OSBP2: variants seen among roughly 807,000 people sequenced by gnomAD.
OSBP2 encodes the protein oxysterol binding protein 2.
In OSBP2, 66 loss-of-function variants were observed where a neutral mutation model predicts 96.0. That is an observed-to-expected ratio of 0.69 (90% CI 0.56 to 0.84). The LOEUF (loss-of-function observed/expected upper bound fraction) is 0.84. Among genes scored for constraint, OSBP2 ranks in the 40% least tolerant of loss-of-function variants. The pLI is 0.00. For synonymous variants in OSBP2, 525 were observed against 520.9 expected (o/e 1.01, Z -0.11); for missense variants, 1,038 against 1,222.7 (o/e 0.85, Z 2.25).
intron 12 of OSBP2, chr22:30,894,329 C>G (rs2040018265): frequency 3.9e-6 from 1 of 256,580 alleles, no homozygotes; most frequent in Admixed American, 4.9e-5. Flanking sequence ...CCAAAGAGAA[C>G]AAATAGAAAT....
At chr22:30,746,967 C>G (rs568562319) in intron 2 of OSBP2, among the ~76,000 whole-genome samples, 1 of 152,168 alleles carries the variant, frequency 6.6e-6, no homozygotes, top group Non-Finnish European at 1.5e-5. Flanking sequence ...GGACTATACA[C>G]CATGACCAAG....
chr22:30,769,064 G>A (rs1213397194), intron 2 of OSBP2, among the ~76,000 whole-genome samples: 1 of 152,224 alleles, frequency 6.6e-6, no homozygotes, highest in Non-Finnish European at 1.5e-5. Flanking sequence ...ACTGGAGATG[G>A]TCATGGAAAG....
Position 30,780,561 on chromosome 22 carries a change from G to A in OSBP2, c.853+39192G>A, listed in dbSNP as rs537471289. On this transcript the variant is annotated intron_variant, in intron 2 of 13. Coordinates refer to ENST00000332585, the MANE Select transcript of OSBP2 (RefSeq NM_030758.4). ...TGCTGAGGCTGGAGTACAGTGGATCGATCTCAGCCCACTGCAACCTCCACC... is the reference window on the plus strand; with the variant it reads ...TGCTGAGGCTGGAGTACAGTGGATCAATCTCAGCCCACTGCAACCTCCACC... Among the ~76,000 whole-genome samples, 31 of 152,270 alleles carry A rather than the reference G, an allele frequency of 2.0e-4. No homozygotes were observed. The East Asian group carries it at 3.3e-3, about 16-fold the overall frequency.
intron 12 of OSBP2, among the ~76,000 whole-genome samples, chr22:30,901,923 T>A (rs897980568): frequency 6.6e-6 from 1 of 151,894 alleles, no homozygotes; most frequent in African/African-American, 2.4e-5. Flanking sequence ...TGTAAAAATA[T>A]ACTCGAGAAA....
At chr22:30,757,739 T>G (rs1282938549) in intron 2 of OSBP2, among the ~76,000 whole-genome samples, 1 of 152,114 alleles carries the variant, frequency 6.6e-6, no homozygotes, top group Non-Finnish European at 1.5e-5. Context: ...TTGTCACTCC[T>G]GTAGCCTCAA....
intron 1 of OSBP2, among the ~76,000 whole-genome samples, chr22:30,728,808 G>A (rs2089696798): frequency 6.6e-6 from 1 of 152,134 alleles, no homozygotes; most frequent in Admixed American, 6.6e-5. Flanking sequence ...GTTCTTATAT[G>A]TAACTAACTC....
rs944264387 is a variant in OSBP2 at position 30,695,690 on chromosome 22, TCA to T, written c.644+139_644+140del. On this transcript the variant is annotated intron_variant, in intron 1 of 13. Coordinates refer to ENST00000332585, the MANE Select transcript of OSBP2 (RefSeq NM_030758.4). ...GGGGCATGCATTCCAGCAGGCCAAGTCACGCTTCTGGCCCGCCGCCAAGGGCC... is the reference window on the plus strand; with the variant it reads ...GGGGCATGCATTCCAGCAGGCCAAGTCGCTTCTGGCCCGCCGCCAAGGGCC... 3.2e-5 allele frequency: 47 copies of T among 1,459,040 alleles called. 5 individuals are homozygous for T. In the Admixed American group the frequency reaches 5.5e-4, roughly 17 times the overall value. The allele number at this position is 1,459,040 out of a possible 1,614,324, so 90.4% of individuals were successfully genotyped here. A position where few individuals can be genotyped will look rare whatever the true frequency, so the allele number is the denominator to read the frequency against.
intron 2 of OSBP2, among the ~76,000 whole-genome samples, chr22:30,833,792 G>A (rs375697191): frequency 5.1e-4 from 77 of 152,114 alleles, no homozygotes; most frequent in African/African-American, 1.7e-3. Context: ...ATCATCATAT[G>A]CCAGTTTTGT....
At chr22:30,842,695 A>G in intron 2 of OSBP2, 1 of 157,854 alleles carries the variant, frequency 6.3e-6, no homozygotes, top group Non-Finnish European at 1.4e-5. Context: ...ATCTCAAGAA[A>G]CCACTCTGCT....
At chr22:30,822,664 G>A (rs1471081266) in intron 2 of OSBP2, 19 of 1,533,754 alleles carry the variant, frequency 1.2e-5, no homozygotes, top group African/African-American at 9.6e-5. Context: ...CACGGCCTCC[G>A]TGCGCTCCTT....
At chr22:30,751,090 T>C (rs1419839240) in intron 2 of OSBP2, among the ~76,000 whole-genome samples, 1 of 152,166 alleles carries the variant, frequency 6.6e-6, no homozygotes, top group African/African-American at 2.4e-5. Context: ...AATTTAAATC[T>C]ACCTGTAACC....
chr22:30,888,833 TG>T (rs1442183516), intron 5 of OSBP2, among the ~76,000 whole-genome samples: 1 of 152,218 alleles, frequency 6.6e-6, no homozygotes, highest in Non-Finnish European at 1.5e-5. Flanking sequence ...GCCACACACC[TG>T]GGCTATATGG....
At position 30,905,702 on chromosome 22, in the gene OSBP2, G is replaced by C. The variant is rs1602455143; in HGVS notation, c.2376-135G>C. 5 of 1,356,544 alleles carry C rather than the reference G, an allele frequency of 3.7e-6. No homozygotes were observed. The East Asian group carries it at 1.0e-4, about 27-fold the overall frequency. The allele number at this position is 1,356,544 out of a possible 1,614,324, so 84.0% of individuals were successfully genotyped here. On this transcript the variant is annotated intron_variant, in intron 12 of 13. Transcript: ENST00000332585. ...GCTCACTGGGGTGGGCCCAAGGCCA[G>C]AGGGAGTCCTGGACGCGGGGAGCTG...
chr22:30,904,833 G>A (rs2147199148), intron 12 of OSBP2, among the ~76,000 whole-genome samples: 1 of 152,238 alleles, frequency 6.6e-6, no homozygotes, highest in South Asian at 2.1e-4. Context: ...AGAAAAAAAT[G>A]ACTAGAAAAA....
At chr22:30,787,853 G>T (rs1450763264) in intron 2 of OSBP2, among the ~76,000 whole-genome samples, 1 of 152,148 alleles carries the variant, frequency 6.6e-6, no homozygotes, top group Non-Finnish European at 1.5e-5. Context: ...CCTTGGAGGG[G>T]TGTTAGCTGG....
At chr22:30,809,069 G>T (rs1400338130) in intron 2 of OSBP2, among the ~76,000 whole-genome samples, 2 of 152,190 alleles carry the variant, frequency 1.3e-5, no homozygotes, top group Admixed American at 1.3e-4. Flanking sequence ...ATGCTGCCAC[G>T]GCCAAGGAAC....
intron 2 of OSBP2, among the ~76,000 whole-genome samples, chr22:30,810,652 TG>T (rs2090993602): frequency 1.3e-5 from 2 of 152,302 alleles, no homozygotes; most frequent in South Asian, 4.1e-4. Context: ...CCCCCACACC[TG>T]GTTGCAGCTG....
chr22:30,696,559 G>A (rs1403136032), intron 1 of OSBP2, among the ~76,000 whole-genome samples: 1 of 152,150 alleles, frequency 6.6e-6, no homozygotes, highest in Non-Finnish European at 1.5e-5. Flanking sequence ...GCACACAAAA[G>A]GACCTTGACT....
chr22:30,701,344 C>CTTTTTTTTTTTTTTTTT, intron 1 of OSBP2, among the ~76,000 whole-genome samples: 1 of 127,990 alleles, frequency 7.8e-6, no homozygotes, highest in Non-Finnish European at 1.6e-5. Context: ...TTTTTCTTTT[C>CTTTTTTTTTTTTTTTTT]TTTTTTTTTT....
Sources: allele counts gnomAD v4.1 joint callset (sites outside exome capture counted in the v4.1 genomes callset), GRCh38; gene constraint gnomAD v4.1.1; transcripts MANE v1.5; gene names NCBI Gene and HGNC (gene_info 2026-07-23, HGNC 2026-07-21).